The following CENPP variants were observed in gnomAD, a reference collection of about 807,000 sequenced individuals.
CENPP encodes centromere protein P.
CENPP carries 24 observed loss-of-function variants against 35.6 expected under a neutral mutation model. That is an observed-to-expected ratio of 0.67 (90% CI 0.49 to 0.95). CENPP has a LOEUF of 0.95. CENPP is among the 40% of genes least tolerant of loss of function. The probability of loss-of-function intolerance (pLI) is 0.00; values close to 1 mark genes in which losing one functional copy is unlikely to be tolerated. For synonymous variants in CENPP, 120 were observed against 125.5 expected, an observed-to-expected ratio of 0.96 and a Z score of 0.29; for missense variants, 332 against 345.3, an observed-to-expected ratio of 0.96 and a Z score of 0.31.
At chr9:92,505,528 GT>G in intron 5 of CENPP, 1 of 1,584,932 alleles carries the variant, frequency 6.3e-7, no homozygotes, top group Non-Finnish European at 8.5e-7. Flanking sequence ...AAAATATATT[GT>G]TACCTCAATA....
chr9:92,415,260 A>G (rs773609260), intron 5 of CENPP: 3 of 1,613,658 alleles, frequency 1.9e-6, no homozygotes, highest in Non-Finnish European at 2.5e-6. Flanking sequence ...TTTCATCATC[A>G]TCATCTGGAA....
chr9:92,565,542 G>A (rs1033138463), intron 5 of CENPP, among the ~76,000 whole-genome samples: 12 of 152,162 alleles, frequency 7.9e-5, no homozygotes, highest in Admixed American at 7.9e-4. Context: ...GGAGTAAACT[G>A]CAGACAATTT....
intron 5 of CENPP, among the ~76,000 whole-genome samples, chr9:92,501,640 G>A (rs933655464): frequency 7.9e-5 from 12 of 152,192 alleles, no homozygotes. Flanking sequence ...CCCCACCTGA[G>A]TCTCCTAAGG....
intron 5 of CENPP, among the ~76,000 whole-genome samples, chr9:92,545,403 G>A (rs562958959): frequency 1.2e-3 from 186 of 152,350 alleles, no homozygotes; most frequent in African/African-American, 4.3e-3. Context: ...GCCAGCAGCT[G>A]CGGAGGGTGC....
At chr9:92,567,687 C>T (rs1029105171) in intron 5 of CENPP, among the ~76,000 whole-genome samples, 12 of 151,998 alleles carry the variant, frequency 7.9e-5, no homozygotes, top group African/African-American at 2.4e-5. Context: ...TGTTTTGGGA[C>T]TCACTATGTA....
intron 5 of CENPP, chr9:92,417,455 G>A: frequency 6.2e-7 from 1 of 1,613,826 alleles, no homozygotes; most frequent in Non-Finnish European, 8.5e-7. Context: ...ATCATCATCT[G>A]GCTCTTGGTC....
chr9:92,344,424 A>C (rs961356165), intron 3 of CENPP, among the ~76,000 whole-genome samples: 1 of 152,018 alleles, frequency 6.6e-6, no homozygotes, highest in Admixed American at 6.6e-5. Flanking sequence ...AGTTCTATTG[A>C]GATATAATTC....
At chr9:92,609,620 TCA>T (rs113692185) in intron 5 of CENPP, among the ~76,000 whole-genome samples, 36 of 152,360 alleles carry the variant, frequency 2.4e-4, no homozygotes, top group African/African-American at 8.2e-4. Context: ...AGCACGTCTC[TCA>T]GAGACTAGCC....
chr9:92,429,787 C>G (rs548220178), intron 5 of CENPP, among the ~76,000 whole-genome samples: 211 of 123,410 alleles, frequency 1.7e-3, no homozygotes, highest in African/African-American at 8.2e-3. Context: ...AACTCCGTCT[C>G]AAAATCATCA....
chr9:92,426,800 A>G (rs1843979372), intron 5 of CENPP, among the ~76,000 whole-genome samples: 2 of 152,230 alleles, frequency 1.3e-5, no homozygotes, highest in Non-Finnish European at 2.9e-5. Flanking sequence ...ACTCATATTT[A>G]GCTTAATATA....
chr9:92,517,960 A>C (rs1396315960), intron 5 of CENPP: 1 of 1,477,084 alleles, frequency 6.8e-7, no homozygotes, highest in African/African-American at 1.4e-5. Flanking sequence ...GTGAAGTCAA[A>C]CTGCTCTAAC....
rs143859115 is a variant in CENPP at position 92,502,596 on chromosome 9, A to T, written c.565-108718A>T. On this transcript the variant is annotated intron_variant, in intron 5 of 7. Transcript: ENST00000375587. ...GTACAATGACATTGATCTTTCTGGTATGATTGAAACAAATTTCAGTTATTT... is the reference window on the plus strand; with the variant it reads ...GTACAATGACATTGATCTTTCTGGTTTGATTGAAACAAATTTCAGTTATTT... 5.6e-5 allele frequency: 90 copies of T among 1,608,922 alleles called. No individual in the cohort carries two copies. In the African/African-American group the frequency reaches 1.1e-3, roughly 19 times the overall value.
At chr9:92,464,696 T>C in intron 5 of CENPP, 4 of 665,030 alleles carry the variant, frequency 6.0e-6, no homozygotes, top group Non-Finnish European at 5.5e-6. Context: ...CATTGCTTCT[T>C]AATGTTTATT....
intron 4 of CENPP, among the ~76,000 whole-genome samples, chr9:92,357,849 A>G (rs1475328434): frequency 8.4e-6 from 1 of 119,622 alleles, no homozygotes; most frequent in Admixed American, 7.4e-5. Context: ...TTCTTGGTTG[A>G]CAGATTTTTT....
intron 5 of CENPP, among the ~76,000 whole-genome samples, chr9:92,558,183 C>G (rs994669585): frequency 1.3e-5 from 2 of 152,238 alleles, no homozygotes; most frequent in East Asian, 3.9e-4. Flanking sequence ...TGCTGGTGAA[C>G]TAATGTGATT....
chr9:92,459,448 G>A (rs145114693), intron 5 of CENPP, among the ~76,000 whole-genome samples: 111 of 152,360 alleles, frequency 7.3e-4, no homozygotes, highest in African/African-American at 2.6e-3. Context: ...TTCTTGTGAC[G>A]TCGATGTAGA....
chr9:92,598,747 T>TTC (rs1317973588), intron 5 of CENPP, among the ~76,000 whole-genome samples: 1 of 144,698 alleles, frequency 6.9e-6, no homozygotes, highest in Non-Finnish European at 1.5e-5. Flanking sequence ...CTGAAGGGGT[T>TTC]TTTTTTTTTT....
chr9:92,509,916 T>C lies in CENPP; in HGVS notation c.565-101398T>C, dbSNP rs771332777. 7.5e-6 allele frequency: 12 copies of C among 1,603,290 alleles called. 1 individual carries two copies. The South Asian group carries it at 1.2e-4, about 17-fold the overall frequency. On this transcript the variant is annotated intron_variant, in intron 5 of 7. Transcript: ENST00000375587. ...TTAAATACCTGATAAACTTTCTTCA[T>C]CGATAGCCTGAAGATTGTTCTCATT...
intron 5 of CENPP, among the ~76,000 whole-genome samples, chr9:92,598,796 T>G (rs1158237106): frequency 6.6e-6 from 1 of 151,078 alleles, no homozygotes; most frequent in East Asian, 1.9e-4. Flanking sequence ...TAAAATGAAC[T>G]ATGATGAAAC....
Sources: gnomAD v4.1 joint callset for allele counts (sites outside exome capture counted in the v4.1 genomes callset) on GRCh38, gnomAD v4.1.1 for gene constraint, MANE v1.5 for transcripts, NCBI Gene and HGNC (gene_info 2026-07-23, HGNC 2026-07-21) for gene names.